The following CCDC134 variants were observed in gnomAD, a reference collection of about 807,000 sequenced individuals.
CCDC134 encodes coiled-coil domain-containing protein 134.
Under a neutral mutation model 25.6 loss-of-function variants are expected in CCDC134, and 27 were observed. The observed-to-expected ratio is 1.05, with a 90% CI of 0.78 to 1.45. CCDC134 has a LOEUF of 1.45. Ranked by LOEUF, CCDC134 falls within the 40% of genes most tolerant of loss-of-function variation. CCDC134 has a pLI of 0.00. For missense variants in CCDC134, 261 were observed against 286.7 expected (o/e 0.91, Z 0.65); for synonymous variants, 110 against 115.0 (o/e 0.96, Z 0.28).
chr22:41,825,977 C>A lies in CCDC134; in HGVS notation c.*154C>A. The A allele has an allele frequency of 9.9e-7, 1 of 1,013,436 alleles. No individual in the cohort carries two copies. The highest frequency in any genetic ancestry group is 1.5e-6 in the Non-Finnish European group (1 of 686,310). The allele number at this position is 1,013,436 out of a possible 1,614,324, so 62.8% of individuals were successfully genotyped here. On this transcript the variant is annotated 3_prime_UTR_variant, in exon 7 of 7. Coordinates refer to ENST00000255784, the MANE Select transcript of CCDC134 (RefSeq NM_024821.5). This position sits in a 1 kb window ranked among gnomAD's most constrained non-coding sequence, Gnocchi z 4.4. ...CCCTGGAGCTGGGTCTGAGCCCCAG[C>A]TGAAGGGACTGAGCCTCAGATGGCT...
chr22:41,810,381 T>G (rs1602237428), intron 4 of CCDC134, 90 bp downstream of exon 4: 2 of 1,256,462 alleles, frequency 1.6e-6, no homozygotes, highest in East Asian at 5.1e-5. Context: ...TCTTTTTTTC[T>G]CCCCGGAAGT....
At chr22:41,810,383 C>A (rs2076589232) in intron 4 of CCDC134, 92 bp downstream of exon 4, 25 of 1,209,888 alleles carry the variant, frequency 2.1e-5, no homozygotes, top group Admixed American at 6.1e-5. Flanking sequence ...TTTTTTTCTC[C>A]CCGGAAGTGC....
rs2076580808 is a variant in CCDC134, at chr22:41,808,868, C to A, written c.-16-7C>A. The A allele has an allele frequency of 2.5e-6, 4 of 1,594,932 alleles. No homozygotes were observed. Among genetic ancestry groups the A allele is most frequent in the Non-Finnish European group, 3.4e-6 (4 of 1,162,528 alleles). ...TCTCACTCTCTTTCTTTGGGTTATTCTTCCAGCTCAAGAGGTTTGGATATG... is the reference window on the plus strand; with the variant it reads ...TCTCACTCTCTTTCTTTGGGTTATTATTCCAGCTCAAGAGGTTTGGATATG... On this transcript the variant is annotated splice_polypyrimidine_tract_variant and splice_region_variant and intron_variant, in intron 1 of 6. Transcript: ENST00000255784.
Position 41,825,922 on chromosome 22 carries a change from T to G in CCDC134, c.*99T>G. 6.6e-7 allele frequency: 1 copy of G among 1,512,584 alleles called. No individual in the cohort carries two copies. Among genetic ancestry groups the G allele is most frequent in the Non-Finnish European group, 8.9e-7 (1 of 1,118,060 alleles). 93.7% of individuals were successfully genotyped at this position (1,512,584 alleles called of 1,614,324 possible). On this transcript the variant is annotated 3_prime_UTR_variant, in exon 7 of 7. Coordinates refer to ENST00000255784, the MANE Select transcript of CCDC134 (RefSeq NM_024821.5). The surrounding 1 kb of genome is among the most constrained non-coding windows in gnomAD (Gnocchi z 4.4). ...TGGTGGAGAGCACCAGCTAGCCCCT[T>G]CCAGAAGGGGAGGCCACATTTGCCC...
chr22:41,828,749 T>C lies in CCDC134; in HGVS notation c.*2926T>C, dbSNP rs2076691333. On this transcript the variant is annotated 3_prime_UTR_variant, in exon 7 of 7. Transcript: ENST00000255784. Reference sequence around the variant, plus strand: ...TGGGATTGTTAGGTCACTATAGCGCTACCAACTGCATATACCACTGTGGGA... The same window carrying C: ...TGGGATTGTTAGGTCACTATAGCGCCACCAACTGCATATACCACTGTGGGA... Among the ~76,000 whole-genome samples, 2 of 152,186 alleles carry C rather than the reference T, an allele frequency of 1.3e-5. No individual in the cohort carries two copies. Among genetic ancestry groups the C allele is most frequent in the Admixed American group, 1.3e-4 (2 of 15,288 alleles).
chr22:41,829,149 C>G lies in CCDC134; in HGVS notation c.*3326C>G, dbSNP rs1019658836. Reference sequence around the variant, plus strand: ...GTGTCCAGACATTGCCAGATGTCCACTGGGAGGGAAAACCTCTCTGGTCCA... The same window carrying G: ...GTGTCCAGACATTGCCAGATGTCCAGTGGGAGGGAAAACCTCTCTGGTCCA... On this transcript the variant is annotated 3_prime_UTR_variant, in exon 7 of 7. Coordinates refer to ENST00000255784, the MANE Select transcript of CCDC134 (RefSeq NM_024821.5). Among the ~76,000 whole-genome samples, 1 of 152,188 alleles carries G rather than the reference C, an allele frequency of 6.6e-6. No homozygotes were observed. The highest frequency in any genetic ancestry group is 1.5e-5 in the Non-Finnish European group (1 of 68,038).
In CCDC134 at chr22:41,820,996, A is replaced by G. The variant is rs142056935; in HGVS notation, c.565-4702A>G. ...GGATGGGGCTGGAGATAGAGGTTGAAGGACTGAGGAGGAAGCAGCGAGAAC... is the reference window on the plus strand; with the variant it reads ...GGATGGGGCTGGAGATAGAGGTTGAGGGACTGAGGAGGAAGCAGCGAGAAC... On this transcript the variant is annotated intron_variant, in intron 6 of 6. Coordinates refer to ENST00000255784, the MANE Select transcript of CCDC134 (RefSeq NM_024821.5). Among the ~76,000 whole-genome samples the G allele has an allele frequency of 7.2e-3, 1,097 of 152,246 alleles. 6 individuals are homozygous for G. Among genetic ancestry groups the G allele is most frequent in the Middle Eastern group, 0.054 (16 of 294 alleles).
Position 41,810,013 on chromosome 22 carries a change from A to G in CCDC134, c.225+13A>G, listed in dbSNP as rs755205776. Reference sequence around the variant, plus strand: ...GGGGCTCTTTAAGGTGTGTGCAGGCAGGGGGCAGCTCATGGCAGGTCCAGT... The same window carrying G: ...GGGGCTCTTTAAGGTGTGTGCAGGCGGGGGGCAGCTCATGGCAGGTCCAGT... On this transcript the variant is annotated intron_variant, in intron 3 of 6. Coordinates refer to ENST00000255784, the MANE Select transcript of CCDC134 (RefSeq NM_024821.5). 6.2e-6 allele frequency: 10 copies of G among 1,613,812 alleles called. No homozygotes were observed. The highest frequency in any genetic ancestry group is 8.5e-6 in the Non-Finnish European group (10 of 1,179,938).
chr22:41,825,244 G>A lies in CCDC134; in HGVS notation c.565-454G>A, dbSNP rs2076670762. The stretch of plus-strand genomic sequence containing the variant: ...AGGGCCTGGGTTGCAGTTGAAGAAT[G>A]CCCCCACGCCACCCCCTACCGCCAA... On this transcript the variant is annotated intron_variant, in intron 6 of 6. Transcript: ENST00000255784. The surrounding 1 kb of genome is among the most constrained non-coding windows in gnomAD (Gnocchi z 4.4). 6.6e-6 allele frequency among the ~76,000 whole-genome samples: 1 copy of A among 151,854 alleles called. No individual in the cohort carries two copies. The highest frequency in any genetic ancestry group is 2.4e-5 in the African/African-American group (1 of 41,318).
chr22:41,827,508 GA>G lies in CCDC134; in HGVS notation c.*1688del, dbSNP rs1159027478. ...AGGAATGAAGGGTTTTACTGAGAAT[GA>G]AAGTATACTCCACAGCATGGGAGAG... On this transcript the variant is annotated 3_prime_UTR_variant, in exon 7 of 7. Transcript: ENST00000255784. Among the ~76,000 whole-genome samples the G allele has an allele frequency of 6.6e-6, 1 of 152,114 alleles. No individual in the cohort carries two copies. The highest frequency in any genetic ancestry group is 1.5e-5 in the Non-Finnish European group (1 of 68,036).
In CCDC134 at chr22:41,810,001, G is replaced by T; in HGVS notation, c.225+1G>T. On this transcript the variant is annotated splice_donor_variant, in intron 3 of 6. Transcript: ENST00000255784. LOFTEE classifies it high-confidence loss of function. The stretch of plus-strand genomic sequence containing the variant: ...TGTCATGCTCAAGGGGCTCTTTAAG[G>T]TGTGTGCAGGCAGGGGGCAGCTCAT... The T allele has an allele frequency of 6.2e-7, 1 of 1,614,096 alleles. No individual in the cohort carries two copies. Among genetic ancestry groups the T allele is most frequent in the Non-Finnish European group, 8.5e-7 (1 of 1,180,008 alleles).
At chr22:41,802,726 AACAC>A (rs1199970932) in intron 1 of CCDC134, among the ~76,000 whole-genome samples, 1 of 152,042 alleles carries the variant, frequency 6.6e-6, no homozygotes, top group Non-Finnish European at 1.5e-5. Flanking sequence ...CATCCTGGCT[AACAC>A]GGTGAAACCC....
intron 6 of CCDC134, among the ~76,000 whole-genome samples, chr22:41,823,842 C>G (rs947683514): frequency 6.6e-6 from 1 of 152,180 alleles, no homozygotes; most frequent in Non-Finnish European, 1.5e-5. Flanking sequence ...GAAAACCCAC[C>G]AGAACACGGG....
At chr22:41,805,355 C>T (rs748405937) in intron 1 of CCDC134, among the ~76,000 whole-genome samples, 6 of 152,034 alleles carry the variant, frequency 3.9e-5, no homozygotes, top group Non-Finnish European at 5.9e-5. Flanking sequence ...TTGATTGAGC[C>T]TGGGAGGTCA....
At position 41,831,820 on chromosome 22, in the gene CCDC134, C is replaced by T. The variant is rs1469009319; in HGVS notation, c.*5997C>T. 6.6e-6 allele frequency: 1 copy of T among 150,968 alleles called. No homozygotes were observed. The highest frequency in any genetic ancestry group is 2.4e-5 in the African/African-American group (1 of 40,986). The allele number at this position is 150,968 out of a possible 1,614,324, so 9.4% of individuals were successfully genotyped here. On this transcript the variant is annotated 3_prime_UTR_variant, in exon 7 of 7. Coordinates refer to ENST00000255784, the MANE Select transcript of CCDC134 (RefSeq NM_024821.5). The stretch of plus-strand genomic sequence containing the variant: ...ATTTCTGATTTTTTTTTTTGCTAGA[C>T]TGGAAGCTCTCAGAGGGCAGGAACC...
chr22:41,824,686 G>A (rs2076667763), intron 6 of CCDC134, among the ~76,000 whole-genome samples: 1 of 152,148 alleles, frequency 6.6e-6, no homozygotes. Flanking sequence ...GTTGAACCCG[G>A]GAGGTGGAGG....
In CCDC134 at chr22:41,830,884, C is replaced by CTTTTTTTTT. The variant is rs67246997; in HGVS notation, c.*5075_*5083dup. The stretch of plus-strand genomic sequence containing the variant: ...AGATCCTTATTTTTTCTTTTCTTTT[C>CTTTTTTTTT]TTTTTTTTTTTTTTTTTTTTTTGAG... On this transcript the variant is annotated 3_prime_UTR_variant, in exon 7 of 7. Coordinates refer to ENST00000255784, the MANE Select transcript of CCDC134 (RefSeq NM_024821.5). 4.9e-4 allele frequency among the ~76,000 whole-genome samples: 57 copies of CTTTTTTTTT among 117,250 alleles called. No homozygotes were observed. The highest frequency in any genetic ancestry group is 1.3e-3 in the African/African-American group (32 of 25,478). 76.9% of individuals were successfully genotyped at this position (117,250 alleles called of 152,430 possible). A position where few individuals can be genotyped will look rare whatever the true frequency, so the allele number is the denominator to read the frequency against.
At chr22:41,813,703 C>G (rs1459027911) in intron 5 of CCDC134, 48 bp from the exon 6 acceptor site, 2 of 1,560,708 alleles carry the variant, frequency 1.3e-6, no homozygotes, top group Admixed American at 3.3e-5. Context: ...CTCTGGTGAG[C>G]AGGACTCAGG....
At chr22:41,802,890 G>C (rs893756578) in intron 1 of CCDC134, among the ~76,000 whole-genome samples, 12 of 151,170 alleles carry the variant, frequency 7.9e-5, no homozygotes, top group Non-Finnish European at 1.5e-5. Context: ...CTCCAGCCTG[G>C]GCGACAGAGC....
Sources: allele counts gnomAD v4.1 joint callset (sites outside exome capture counted in the v4.1 genomes callset), GRCh38; gene constraint gnomAD v4.1.1; non-coding constraint Gnocchi (gnomAD v3.1); transcripts MANE v1.5; gene names NCBI Gene and HGNC (gene_info 2026-07-23, HGNC 2026-07-21).